FGF14: variants seen among roughly 807,000 people sequenced by gnomAD.
FGF14 encodes fibroblast growth factor homologous factor 4.
A neutral mutation model predicts 25.5 loss-of-function variants in FGF14; 5 were observed. That is an observed-to-expected ratio of 0.20 (90% CI 0.10 to 0.41). The LOEUF (loss-of-function observed/expected upper bound fraction) is 0.41. Ranked by LOEUF, FGF14 falls within the 10% of genes least tolerant of loss-of-function variation. The probability of loss-of-function intolerance (pLI) is 1.00; values close to 1 mark genes in which losing one functional copy is unlikely to be tolerated. For missense variants in FGF14, 222 were observed against 320.1 expected, an observed-to-expected ratio of 0.69 and a Z score of 2.34; for synonymous variants, 138 against 118.3, an observed-to-expected ratio of 1.17 and a Z score of -1.08.
intron 3 of FGF14, among the ~76,000 whole-genome samples, chr13:101,767,833 A>G (rs2038504171): frequency 1.3e-5 from 2 of 152,200 alleles, no homozygotes; most frequent in South Asian, 2.1e-4. Flanking sequence ...TCATTTGACC[A>G]TACGTATTTT....
At chr13:102,295,327 A>T (rs961852210) in intron 1 of FGF14, among the ~76,000 whole-genome samples, 3 of 152,162 alleles carry the variant, frequency 2.0e-5, no homozygotes, top group Non-Finnish European at 4.4e-5. Flanking sequence ...AACAGTAAAG[A>T]TCATCACTCC....
chr13:102,283,799 G>C (rs1375405038), intron 1 of FGF14, among the ~76,000 whole-genome samples: 1 of 152,066 alleles, frequency 6.6e-6, no homozygotes. Flanking sequence ...TTAAATTCAG[G>C]TCTGCCACTC....
intron 3 of FGF14, among the ~76,000 whole-genome samples, chr13:101,857,627 T>C (rs1465015835): frequency 6.6e-6 from 1 of 152,008 alleles, no homozygotes; most frequent in East Asian, 1.9e-4. Context: ...CATAATGTAG[T>C]GAAGTCAAAC....
rs573105772 is a variant in FGF14, at chr13:101,716,814, A to G, written c.*6017T>C. The G allele has an allele frequency of 4.6e-5, 7 of 152,136 alleles. No homozygotes were observed. Among genetic ancestry groups the G allele is most frequent in the African/African-American group, 1.7e-4 (7 of 41,536 alleles). 9.4% of individuals were successfully genotyped at this position (152,136 alleles called of 1,614,324 possible). The stretch of plus-strand genomic sequence containing the variant: ...ACCAAAAAAAAAAAAAAATCTAGAA[A>G]TGGCTTAAATAGAAATTACAAATAT... On this transcript the variant is annotated 3_prime_UTR_variant, in exon 5 of 5. Coordinates refer to ENST00000376143, the MANE Select transcript of FGF14 (RefSeq NM_004115.4).
intron 1 of FGF14, among the ~76,000 whole-genome samples, chr13:102,340,857 T>G (rs2056929122): frequency 6.6e-6 from 1 of 152,212 alleles, no homozygotes; most frequent in Admixed American, 6.6e-5. Flanking sequence ...GAATATCCCA[T>G]GCATGTGTAA....
In FGF14 at chr13:102,321,578, C is replaced by G. The variant is rs185832869; in HGVS notation, c.208+79893G>C. On this transcript the variant is annotated intron_variant, in intron 1 of 4. Coordinates refer to the FGF14 transcript ENST00000376131. ...TTTCCATACTCTATTGTTTAAAGTA[C>G]GTTTGTGTGCATGTGAGATTATTAC... is the stretch of plus-strand genomic sequence containing the variant. Among the ~76,000 whole-genome samples the G allele has an allele frequency of 6.2e-3, 943 of 152,008 alleles. 32 individuals carry two copies. Among genetic ancestry groups the G allele is most frequent in the South Asian group, 3.3e-3 (16 of 4,812 alleles).
chr13:102,076,674 G>A (rs1338552302), intron 1 of FGF14, among the ~76,000 whole-genome samples: 1 of 152,060 alleles, frequency 6.6e-6, no homozygotes, highest in Non-Finnish European at 1.5e-5. Context: ...ATAAATCCAT[G>A]AACATGGATT....
chr13:102,155,611 G>C (rs980357073), intron 1 of FGF14, among the ~76,000 whole-genome samples: 2 of 152,018 alleles, frequency 1.3e-5, no homozygotes, highest in East Asian at 1.9e-4. Context: ...AACTAGAAAA[G>C]CAAGAGCAAA....
intron 1 of FGF14, among the ~76,000 whole-genome samples, chr13:102,364,455 T>G (rs961412160): frequency 2.0e-5 from 3 of 152,230 alleles, no homozygotes; most frequent in African/African-American, 7.2e-5. Context: ...CAGACTGAGT[T>G]TGTTCAGGCA....
chr13:101,980,343 T>C (rs1428005705), intron 1 of FGF14, among the ~76,000 whole-genome samples: 1 of 119,370 alleles, frequency 8.4e-6, no homozygotes, highest in Non-Finnish European at 1.7e-5. Flanking sequence ...CCAGAAAATG[T>C]CAAAAAAAAA....
chr13:101,863,886 T>C (rs145448283), intron 3 of FGF14, among the ~76,000 whole-genome samples: 3 of 152,190 alleles, frequency 2.0e-5, no homozygotes, highest in Admixed American at 2.0e-4. Context: ...GCCTGGGTGC[T>C]CTTGGAAAGC....
chr13:101,941,270 C>T (rs1377812764), intron 1 of FGF14, among the ~76,000 whole-genome samples: 5 of 152,168 alleles, frequency 3.3e-5, no homozygotes, highest in African/African-American at 1.2e-4. Flanking sequence ...TGTATGCTCC[C>T]AGCTACAGCT....
chr13:101,975,588 T>A (rs1187037674), intron 1 of FGF14, among the ~76,000 whole-genome samples: 1 of 151,572 alleles, frequency 6.6e-6, no homozygotes, highest in Non-Finnish European at 1.5e-5. Context: ...GGTTTTAGCT[T>A]CCATGGGCTT....
At chr13:102,399,324 T>C (rs1458174632) in intron 1 of FGF14, among the ~76,000 whole-genome samples, 4 of 152,232 alleles carry the variant, frequency 2.6e-5, no homozygotes, top group East Asian at 1.9e-4. Context: ...TCAAGGTCCC[T>C]AAGACAAATG....
intron 1 of FGF14, among the ~76,000 whole-genome samples, chr13:102,263,470 T>C (rs940140943): frequency 2.6e-5 from 4 of 152,078 alleles, no homozygotes; most frequent in African/African-American, 9.7e-5. Context: ...GCACCCCCAA[T>C]AGAGACAGTA....
chr13:102,319,377 G>A (rs945713142), intron 1 of FGF14, among the ~76,000 whole-genome samples: 10 of 152,134 alleles, frequency 6.6e-5, no homozygotes, highest in African/African-American at 2.4e-4. Flanking sequence ...AGATACAGAC[G>A]CCATCAACAA....
At chr13:101,764,462 C>T (rs2038252378) in intron 3 of FGF14, among the ~76,000 whole-genome samples, 1 of 152,174 alleles carries the variant, frequency 6.6e-6, no homozygotes, top group Admixed American at 6.5e-5. Context: ...GGTGATCTCC[C>T]AACTCTGTCT....
intron 1 of FGF14, among the ~76,000 whole-genome samples, chr13:102,037,964 A>G (rs1238068824): frequency 6.6e-6 from 1 of 152,184 alleles, no homozygotes; most frequent in Non-Finnish European, 1.5e-5. Flanking sequence ...GAAAGGAAAA[A>G]CAATGTAAAT....
At chr13:102,256,524 A>C (rs1333781202) in intron 1 of FGF14, among the ~76,000 whole-genome samples, 1 of 152,058 alleles carries the variant, frequency 6.6e-6, no homozygotes, top group Non-Finnish European at 1.5e-5. Context: ...AAAGTAGCTA[A>C]TGTACAAGTT....
Sources: gnomAD v4.1 joint callset for allele counts (sites outside exome capture counted in the v4.1 genomes callset) on GRCh38, gnomAD v4.1.1 for gene constraint, MANE v1.5 for transcripts, NCBI Gene and HGNC (gene_info 2026-07-23, HGNC 2026-07-21) for gene names.